The following SSR1 variants were observed in gnomAD, a reference collection of about 807,000 sequenced individuals.
The protein encoded by SSR1 is translocon-associated protein subunit alpha.
SSR1 carries 13 observed loss-of-function variants against 36.1 expected under a neutral mutation model. That is an observed-to-expected ratio of 0.36 (90% confidence interval 0.23 to 0.57). The LOEUF (loss-of-function observed/expected upper bound fraction) is 0.57, where lower values mean the gene tolerates loss of function less well. Ranked by LOEUF, SSR1 falls within the 20% of genes least tolerant of loss-of-function variation. The probability of loss-of-function intolerance (pLI) is 0.81; values close to 1 mark genes in which losing one functional copy is unlikely to be tolerated. For missense variants in SSR1, 291 were observed against 338.5 expected, an observed-to-expected ratio of 0.86 and a Z score of 1.10; for synonymous variants, 113 against 118.9, an observed-to-expected ratio of 0.95 and a Z score of 0.32.
intron 6 of SSR1, chr6:7,297,154 A>G (rs1220048514): frequency 6.4e-6 from 2 of 310,384 alleles, no homozygotes; most frequent in Non-Finnish European, 1.3e-5. Flanking sequence ...CCGAAGGCGG[A>G]GGTTGCAGTA....
intron 7 of SSR1, among the ~76,000 whole-genome samples, chr6:7,291,333 G>A (rs528788191): frequency 6.6e-6 from 1 of 151,656 alleles, no homozygotes; most frequent in East Asian, 1.9e-4. Flanking sequence ...AGGGGCCGGA[G>A]GTTGCAGTGA....
In SSR1 at chr6:7,288,177, A is replaced by T. The variant is rs956730330; in HGVS notation, c.*1687T>A. ...TGCCCTAGTAGTTTCACAAACTTAG[A>T]TATTCACAAAAATGTTTTGGAATAT... On this transcript the variant is annotated 3_prime_UTR_variant, in exon 8 of 8. Coordinates refer to ENST00000244763, the MANE Select transcript of SSR1 (RefSeq NM_003144.5). The T allele has an allele frequency of 6.6e-6, 1 of 152,222 alleles. No homozygotes were observed. The highest frequency in any genetic ancestry group is 1.5e-5 in the Non-Finnish European group (1 of 68,036). 9.4% of individuals were successfully genotyped at this position (152,222 alleles called of 1,614,324 possible).
chr6:7,297,031 G>C (rs1233036826), intron 6 of SSR1: 2 of 211,406 alleles, frequency 9.5e-6, no homozygotes, highest in Admixed American at 5.5e-5. Context: ...GACCAGCCTG[G>C]GCAACATGGC....
chr6:7,297,565 A>T (rs1250165981), intron 6 of SSR1, among the ~76,000 whole-genome samples: 2 of 151,992 alleles, frequency 1.3e-5, no homozygotes, highest in Non-Finnish European at 2.9e-5. Flanking sequence ...CCTCTACAAA[A>T]AATTTTAAAA....
rs144671908 is a variant in SSR1 at position 7,289,810 on chromosome 6, C to T, written c.*54G>A. 13 of 1,520,378 alleles carry T rather than the reference C, an allele frequency of 8.6e-6. No homozygotes were observed. The highest frequency in any genetic ancestry group is 1.7e-4 in the Middle Eastern group (1 of 5,888). The allele number at this position is 1,520,378 out of a possible 1,614,324, so 94.2% of individuals were successfully genotyped here. A position where few individuals can be genotyped will look rare whatever the true frequency, so the allele number is the denominator to read the frequency against. ...TTCTCTGCACTAATTCCCATCAGGCCGAAAAATATTAGGGCAGGTTAAGTA... is the reference window on the plus strand; with the variant it reads ...TTCTCTGCACTAATTCCCATCAGGCTGAAAAATATTAGGGCAGGTTAAGTA... On this transcript the variant is annotated 3_prime_UTR_variant, in exon 8 of 8. Coordinates refer to ENST00000244763, the MANE Select transcript of SSR1 (RefSeq NM_003144.5).
intron 3 of SSR1, among the ~76,000 whole-genome samples, chr6:7,302,346 T>G (rs1757954984): frequency 6.6e-6 from 1 of 152,256 alleles, no homozygotes; most frequent in African/African-American, 2.4e-5. Context: ...CTGACCAGTT[T>G]CTTCTCCAAA....
Position 7,287,134 on chromosome 6 carries a change from T to C in SSR1, c.*2730A>G, listed in dbSNP as rs1346841264. The C allele has an allele frequency of 6.6e-6, 1 of 152,088 alleles. No homozygotes were observed. Among genetic ancestry groups the C allele is most frequent in the Non-Finnish European group, 1.5e-5 (1 of 68,006 alleles). 9.4% of individuals were successfully genotyped at this position (152,088 alleles called of 1,614,324 possible). Reference sequence around the variant, plus strand: ...AGGGTATGGATATCATTGTACAAGATGAATGCTATATATGAGGCTCGCCTA... The same window carrying C: ...AGGGTATGGATATCATTGTACAAGACGAATGCTATATATGAGGCTCGCCTA... On this transcript the variant is annotated 3_prime_UTR_variant, in exon 8 of 8. Coordinates refer to ENST00000244763, the MANE Select transcript of SSR1 (RefSeq NM_003144.5).
intron 6 of SSR1, among the ~76,000 whole-genome samples, chr6:7,296,114 C>A (rs960016084): frequency 6.6e-6 from 1 of 151,922 alleles, no homozygotes; most frequent in African/African-American, 2.4e-5. Context: ...TTAAGCTAAC[C>A]ACCTCAATTT....
intron 7 of SSR1, among the ~76,000 whole-genome samples, chr6:7,293,016 C>CT (rs1757717267): frequency 1.3e-5 from 2 of 152,114 alleles, no homozygotes; most frequent in Admixed American, 6.5e-5. Flanking sequence ...ACAGTCATCT[C>CT]TATTATCTGC....
At chr6:7,290,324 T>C (rs1248459042) in intron 7 of SSR1, among the ~76,000 whole-genome samples, 1 of 152,276 alleles carries the variant, frequency 6.6e-6, no homozygotes, top group Non-Finnish European at 1.5e-5. Context: ...TTCAATTTCA[T>C]AAATTTACCT....
At chr6:7,312,318 T>C (rs1308510861) in intron 1 of SSR1, among the ~76,000 whole-genome samples, 1 of 152,150 alleles carries the variant, frequency 6.6e-6, no homozygotes, top group Non-Finnish European at 1.5e-5. Flanking sequence ...CACAATACGA[T>C]GTTTCCACAA....
intron 7 of SSR1, among the ~76,000 whole-genome samples, chr6:7,292,606 G>A (rs1222289039): frequency 1.3e-5 from 2 of 151,832 alleles, no homozygotes; most frequent in Admixed American, 6.6e-5. Context: ...GGCTGGATTC[G>A]AACTTCTGGG....
At position 7,281,964 on chromosome 6, in the gene SSR1, G is replaced by C. The variant is rs1440691511; in HGVS notation, c.*7900C>G. On this transcript the variant is annotated 3_prime_UTR_variant, in exon 8 of 8. Transcript: ENST00000244763. ...TCTGGAAAGGCTGGTGCAGAGAGCA[G>C]GACGGTGAGCCTGAGTGAGCCTGGA... 1 of 152,510 alleles carries C rather than the reference G, an allele frequency of 6.6e-6. No homozygotes were observed. The allele number at this position is 152,510 out of a possible 1,614,324, so 9.4% of individuals were successfully genotyped here. A position where few individuals can be genotyped will look rare whatever the true frequency, so the allele number is the denominator to read the frequency against.
At chr6:7,301,259 C>G (rs550963594) in intron 4 of SSR1, 51 bp downstream of exon 4, 84 of 1,583,306 alleles carry the variant, frequency 5.3e-5, no homozygotes, top group Non-Finnish European at 6.8e-5. Flanking sequence ...ACAACGTCAC[C>G]GCCCCCATCC....
At chr6:7,297,024 C>T in intron 6 of SSR1, 1 of 194,724 alleles carries the variant, frequency 5.1e-6, no homozygotes, top group South Asian at 5.7e-5. Context: ...AGTTCGAGAC[C>T]AGCCTGGGCA....
intron 1 of SSR1, among the ~76,000 whole-genome samples, chr6:7,312,445 A>G (rs1219568636): frequency 6.6e-6 from 1 of 152,178 alleles, no homozygotes; most frequent in African/African-American, 2.4e-5. Flanking sequence ...ACGATGGGGT[A>G]GTTTTTCTGA....
In SSR1 at chr6:7,301,259, C is replaced by T. The variant is rs550963594; in HGVS notation, c.543+51G>A. On this transcript the variant is annotated intron_variant, in intron 4 of 7. Transcript: ENST00000244763. The stretch of plus-strand genomic sequence containing the variant: ...GATATATTCTATTAAACAACGTCAC[C>T]GCCCCCATCCATCTCTAACTTAAAC... 95 of 1,583,424 alleles carry T rather than the reference C, an allele frequency of 6.0e-5. No individual in the cohort carries two copies. The East Asian group carries it at 1.4e-3, about 24-fold the overall frequency.
rs1321276547 is a variant in SSR1, at chr6:7,289,076, A to C, written c.*788T>G. 6.6e-6 allele frequency: 1 copy of C among 152,218 alleles called. No homozygotes were observed. Among genetic ancestry groups the C allele is most frequent in the Non-Finnish European group, 1.5e-5 (1 of 68,052 alleles). The allele number at this position is 152,218 out of a possible 1,614,324, so 9.4% of individuals were successfully genotyped here. A position where few individuals can be genotyped will look rare whatever the true frequency, so the allele number is the denominator to read the frequency against. ...AAAAAAACCTACACACAACTGAGTG[A>C]GTAGGTCTAAAATCACTCCAGAGCT... On this transcript the variant is annotated 3_prime_UTR_variant, in exon 8 of 8. Transcript: ENST00000244763.
chr6:7,310,285 T>C (rs1194237044), intron 1 of SSR1, among the ~76,000 whole-genome samples: 1 of 151,082 alleles, frequency 6.6e-6, no homozygotes, highest in Non-Finnish European at 1.5e-5. Context: ...GGGAGTACAG[T>C]TGTGCAGTCA....
Sources: allele counts gnomAD v4.1 joint callset (sites outside exome capture counted in the v4.1 genomes callset), GRCh38; gene constraint gnomAD v4.1.1; transcripts MANE v1.5; gene names NCBI Gene and HGNC (gene_info 2026-07-23, HGNC 2026-07-21).